ISM1: variants seen among roughly 807,000 people sequenced by gnomAD.
The protein encoded by ISM1 is isthmin 1, also known as isthmin-1.
A neutral mutation model predicts 46.3 loss-of-function variants in ISM1; 25 were observed. The observed-to-expected ratio is 0.54, with a 90% CI of 0.39 to 0.75. ISM1 has a LOEUF of 0.75. ISM1 is among the 30% of genes least tolerant of loss of function. The probability of loss-of-function intolerance (pLI) is 0.00; values close to 1 mark genes in which losing one functional copy is unlikely to be tolerated. For missense variants in ISM1, 536 were observed against 625.4 expected, an observed-to-expected ratio of 0.86 and a Z score of 1.52; for synonymous variants, 255 against 256.7, an observed-to-expected ratio of 0.99 and a Z score of 0.06.
chr20:13,282,375 G>A (rs1036344756), intron 3 of ISM1, among the ~76,000 whole-genome samples: 1 of 152,198 alleles, frequency 6.6e-6, no homozygotes, highest in Non-Finnish European at 1.5e-5. Flanking sequence ...AAGGTCACCA[G>A]ATGATTCTCT....
chr20:13,222,097 C>G (rs2039456954), intron 1 of ISM1, among the ~76,000 whole-genome samples, 183 bp downstream of exon 1: 1 of 152,166 alleles, frequency 6.6e-6, no homozygotes, highest in African/African-American at 2.4e-5. Flanking sequence ...GGGCACGTGC[C>G]TGGAGGCTGC....
intron 1 of ISM1, among the ~76,000 whole-genome samples, chr20:13,242,853 C>T (rs995692945): frequency 3.9e-5 from 6 of 152,144 alleles, no homozygotes; most frequent in Non-Finnish European, 4.4e-5. Context: ...CAGATTTCAC[C>T]TGATTTTATC....
chr20:13,243,872 GCA>G (rs1000506881), intron 1 of ISM1, among the ~76,000 whole-genome samples: 1 of 152,164 alleles, frequency 6.6e-6, no homozygotes, highest in African/African-American at 2.4e-5. Flanking sequence ...AGAATAGCAG[GCA>G]CAGTTTTCCT....
intron 1 of ISM1, among the ~76,000 whole-genome samples, chr20:13,261,633 T>A (rs1004759027): frequency 6.6e-6 from 1 of 152,158 alleles, no homozygotes; most frequent in Non-Finnish European, 1.5e-5. Flanking sequence ...GCCCCAGTCC[T>A]TTCCACAGTA....
intron 1 of ISM1, among the ~76,000 whole-genome samples, chr20:13,256,269 G>C (rs1352549397): frequency 6.6e-6 from 1 of 151,962 alleles, no homozygotes; most frequent in Admixed American, 6.6e-5. Context: ...GGTGGCGGGT[G>C]CCTGTAATCC....
the ISM1 span, among the ~76,000 whole-genome samples, chr20:13,306,564 C>CAAAAAAAAAAAAAAAAAAA: frequency 1.6e-4 from 10 of 63,908 alleles, no homozygotes; most frequent in South Asian, 7.8e-4. Context: ...GGAGAAAGGA[C>CAAAAAAAAAAAAAAAAAAA]AAAAAAAAAA....
chr20:13,246,511 A>G (rs1417683012), intron 1 of ISM1, among the ~76,000 whole-genome samples: 2 of 152,210 alleles, frequency 1.3e-5, no homozygotes, highest in East Asian at 1.9e-4. Context: ...AGCTACTTGC[A>G]TATGGAAAGT....
chr20:13,233,779 A>G (rs1300778595), intron 1 of ISM1, among the ~76,000 whole-genome samples: 1 of 152,136 alleles, frequency 6.6e-6, no homozygotes. Flanking sequence ...AAGGTAACCC[A>G]TCCATTGCCC....
At chr20:13,320,974 G>A in the ISM1 span, among the ~76,000 whole-genome samples, 6 of 152,044 alleles carry the variant, frequency 3.9e-5, no homozygotes, top group African/African-American at 1.2e-4. Flanking sequence ...CGAGGCTGGT[G>A]GATCAGTTGG....
intron 1 of ISM1, among the ~76,000 whole-genome samples, chr20:13,223,891 T>C (rs2039481809): frequency 6.6e-6 from 1 of 152,182 alleles, no homozygotes; most frequent in African/African-American, 2.4e-5. Flanking sequence ...AAAGTAAATT[T>C]GGCAGATTAC....
At chr20:13,317,178 T>C in the ISM1 span, among the ~76,000 whole-genome samples, 2 of 151,764 alleles carry the variant, frequency 1.3e-5, no homozygotes, top group Non-Finnish European at 2.9e-5. Flanking sequence ...CACAATACCA[T>C]TTACATTAAC....
At chr20:13,305,195 T>C (rs1037611118), downstream of ISM1, among the ~76,000 whole-genome samples, 3 of 79,478 alleles carry the variant, frequency 3.8e-5, no homozygotes, top group Non-Finnish European at 5.4e-5. Flanking sequence ...TACCGTTGAG[T>C]TGTTAAAAAA....
At chr20:13,296,231 C>T (rs942119740) in intron 5 of ISM1, among the ~76,000 whole-genome samples, 3 of 152,174 alleles carry the variant, frequency 2.0e-5, no homozygotes, top group Non-Finnish European at 1.5e-5. Context: ...CAACTGGCAA[C>T]CCCTCTGTGC....
intron 4 of ISM1, among the ~76,000 whole-genome samples, chr20:13,289,077 TGTAAC>T (rs1167797474): frequency 6.6e-6 from 1 of 152,188 alleles, no homozygotes; most frequent in Non-Finnish European, 1.5e-5. Flanking sequence ...TGAGGCAAGA[TGTAAC>T]TACTTTTCTA....
intron 1 of ISM1, among the ~76,000 whole-genome samples, chr20:13,269,182 C>A (rs2123247139): frequency 6.6e-6 from 1 of 152,304 alleles, no homozygotes; most frequent in East Asian, 1.9e-4. Context: ...ACATTAACCA[C>A]TGACCCAAAG....
chr20:13,300,256 C>T lies in ISM1; in HGVS notation c.*797C>T, dbSNP rs1461752933. The T allele has an allele frequency of 6.6e-6, 1 of 152,194 alleles. No individual in the cohort carries two copies. The highest frequency in any genetic ancestry group is 1.5e-5 in the Non-Finnish European group (1 of 68,048). 9.4% of individuals were successfully genotyped at this position (152,194 alleles called of 1,614,324 possible). On this transcript the variant is annotated 3_prime_UTR_variant, in exon 6 of 6. Transcript: ENST00000262487. ...CTCATGTCCTAGCAGGTTCAGAAGA[C>T]TGCAGCCAAGTTCAGATGTAAAAAC...
At chr20:13,326,185 T>C in the ISM1 span, among the ~76,000 whole-genome samples, 6 of 152,216 alleles carry the variant, frequency 3.9e-5, no homozygotes, top group Non-Finnish European at 7.3e-5. Flanking sequence ...CATGTATGGA[T>C]GCACCAGAGC....
At position 13,299,464 on chromosome 20, in the gene ISM1, A is replaced by G. The variant is rs142833862; in HGVS notation, c.*5A>G. 8.3e-4 allele frequency: 1,318 copies of G among 1,588,530 alleles called. 8 individuals are homozygous for G. The African/African-American group carries it at 0.015, about 18-fold the overall frequency. On this transcript the variant is annotated 3_prime_UTR_variant, in exon 6 of 6. Coordinates refer to ENST00000262487, the MANE Select transcript of ISM1 (RefSeq NM_080826.2). This position sits in a 1 kb window ranked among gnomAD's most constrained non-coding sequence, Gnocchi z 5.8. ...CAAGAGGCCAGGGAATATTAAAGAG[A>G]CTGGGATGAGGTGGAGGACGCTGCC...
chr20:13,254,565 A>C (rs2039905114), intron 1 of ISM1, among the ~76,000 whole-genome samples: 1 of 152,132 alleles, frequency 6.6e-6, no homozygotes, highest in Admixed American at 6.5e-5. Flanking sequence ...CTGGGTGCTC[A>C]GTGGTGACTT....
Sources: gnomAD v4.1 joint callset for allele counts (sites outside exome capture counted in the v4.1 genomes callset) on GRCh38, gnomAD v4.1.1 for gene constraint, Gnocchi (gnomAD v3.1) non-coding constraint, MANE v1.5 for transcripts, NCBI Gene and HGNC (gene_info 2026-07-23, HGNC 2026-07-21) for gene names.